The following YTHDF1 variants were observed in gnomAD, a reference collection of about 807,000 sequenced individuals.
YTHDF1 encodes the protein YTH domain-containing family protein 1.
Under a neutral mutation model 49.1 loss-of-function variants are expected in YTHDF1, and 16 were observed. The observed-to-expected ratio is 0.33, with a 90% CI of 0.22 to 0.49. The LOEUF (loss-of-function observed/expected upper bound fraction) is 0.49, where lower values mean the gene tolerates loss of function less well. Ranked by LOEUF, YTHDF1 falls within the 20% of genes least tolerant of loss-of-function variation. The pLI is 0.99. For missense variants in YTHDF1, 621 were observed against 744.3 expected (o/e 0.83, Z 1.93); for synonymous variants, 313 against 290.1 (o/e 1.08, Z -0.80).
At chr20:63,200,777 A>T (rs1277954639) in intron 4 of YTHDF1, among the ~76,000 whole-genome samples, 4 of 152,240 alleles carry the variant, frequency 2.6e-5, no homozygotes, top group Admixed American at 2.6e-4. Context: ...GGTATTTAAG[A>T]AGAAAAACTG....
intron 4 of YTHDF1, among the ~76,000 whole-genome samples, chr20:63,198,957 T>G (rs1601230100): frequency 6.6e-6 from 1 of 152,264 alleles, no homozygotes; most frequent in Non-Finnish European, 1.5e-5. Flanking sequence ...GGTCTGACTC[T>G]GCTGCCATAA....
chr20:63,210,372 C>G (rs1240533060), intron 3 of YTHDF1, among the ~76,000 whole-genome samples: 1 of 152,180 alleles, frequency 6.6e-6, no homozygotes, highest in African/African-American at 2.4e-5. Flanking sequence ...AGGCATCATG[C>G]CAAGACAGTG....
chr20:63,215,577 C>T lies in YTHDF1; in HGVS notation c.52G>A (p.Val18Ile). Residue 18 changes from valine to isoleucine, a missense_variant and splice_region_variant, in exon 2 of 5, where the codon GTA becomes ATA. Around this residue, in one of 2 missense-constraint regions of YTHDF1, gnomAD observed 470 missense variants for 495.8 expected, o/e 0.95. Coordinates refer to ENST00000370339, the MANE Select transcript of YTHDF1 (RefSeq NM_017798.4). ...TQRTKGQDNK[V>I]QNGSLHQKDT... ...CCGGCCGTCCCGGGACTCCGCTCAC[C>T]TTTATTATCTTGTCCTTTTGTTCTC... The T allele has an allele frequency of 6.2e-7, 1 of 1,613,330 alleles. No homozygotes were observed. Among genetic ancestry groups the T allele is most frequent in the Non-Finnish European group, 8.5e-7 (1 of 1,179,682 alleles).
intron 3 of YTHDF1, among the ~76,000 whole-genome samples, chr20:63,207,711 G>T (rs987893433): frequency 1.3e-5 from 2 of 151,664 alleles, no homozygotes; most frequent in Non-Finnish European, 2.9e-5. Flanking sequence ...TCGAAGAAAG[G>T]CTAACACATT....
chr20:63,211,870 T>C (rs1456248794), intron 3 of YTHDF1, among the ~76,000 whole-genome samples: 1 of 151,744 alleles, frequency 6.6e-6, no homozygotes. Flanking sequence ...GGCAGGAGGA[T>C]TGCTTAAGCC....
intron 3 of YTHDF1, among the ~76,000 whole-genome samples, chr20:63,211,642 C>A (rs983044708): frequency 6.6e-6 from 1 of 152,104 alleles, no homozygotes; most frequent in South Asian, 2.1e-4. Context: ...CCAAACAACA[C>A]AAAAGCTCCG....
intron 4 of YTHDF1, among the ~76,000 whole-genome samples, chr20:63,199,258 G>A (rs1029009749): frequency 1.3e-5 from 2 of 151,812 alleles, no homozygotes; most frequent in African/African-American, 2.4e-5. Flanking sequence ...AGTGGCTCAC[G>A]CCTGTAATCC....
chr20:63,215,875 C>A lies in YTHDF1; in HGVS notation c.18G>T (p.Val6=). The change falls in exon 1 of 5, where the codon GTG becomes GTT. Residue 6 remains valine, a synonymous_variant. Transcript: ENST00000370339. The part of the protein sequence containing the change: MSATS[V]DTQRTKGQDN... ...AACCCGGCCCCGCTACCTGGGTGTCCACGCTGGTGGCCGACATGCTTCATG... is the reference window on the plus strand; with the variant it reads ...AACCCGGCCCCGCTACCTGGGTGTCAACGCTGGTGGCCGACATGCTTCATG... 6.9e-7 allele frequency: 1 copy of A among 1,451,406 alleles called. No homozygotes were observed. The highest frequency in any genetic ancestry group is 1.4e-5 in the South Asian group (1 of 73,798). 89.9% of individuals were successfully genotyped at this position (1,451,406 alleles called of 1,614,324 possible). A position where few individuals can be genotyped will look rare whatever the true frequency, so the allele number is the denominator to read the frequency against.
intron 4 of YTHDF1, among the ~76,000 whole-genome samples, chr20:63,201,457 T>G (rs1009748765): frequency 2.0e-5 from 3 of 152,218 alleles, no homozygotes; most frequent in Non-Finnish European, 4.4e-5. Flanking sequence ...TATGTCAGCA[T>G]CATCATTTTC....
rs2066598426 is a variant in YTHDF1, at chr20:63,215,660, A to G, written c.28-59T>C. ...ACAACCCGGGGGAAGAGGGAAACAC[A>G]AAGTTATTCACCAGAGAACTGGTCT... is the stretch of plus-strand genomic sequence containing the variant. On this transcript the variant is annotated intron_variant, in intron 1 of 4. Coordinates refer to ENST00000370339, the MANE Select transcript of YTHDF1 (RefSeq NM_017798.4). The G allele has an allele frequency of 3.2e-6, 5 of 1,564,424 alleles. No homozygotes were observed. In the East Asian group the frequency reaches 1.2e-4, roughly 37 times the overall value.
chr20:63,210,988 C>CT (rs1428048296), intron 3 of YTHDF1, among the ~76,000 whole-genome samples: 1 of 152,228 alleles, frequency 6.6e-6, no homozygotes. Flanking sequence ...TGAGGCCTCT[C>CT]TGAGGGAAGG....
rs868729188 is a variant in YTHDF1, at chr20:63,203,623, C to G, written c.317G>C (p.Gly106Ala). The change falls in exon 4 of 5, where the codon GGG (glycine) becomes GCG (alanine). Residue 106 changes from glycine (G) to alanine (A), a missense_variant. Transcript: ENST00000370339. The surrounding 1 kb of genome is among the most constrained non-coding windows in gnomAD (Gnocchi z 4.4). ...GTTGTTCCCCAGGCCCCCAGGCTGC[C>G]CAAAAACAGCATCGTGCATAAAATG... ...DHHFMHDAVF[G>A]QPGGLGNNIY... The G allele has an allele frequency of 6.2e-7, 1 of 1,614,140 alleles. No individual in the cohort carries two copies. The highest frequency in any genetic ancestry group is 1.6e-4 in the Middle Eastern group (1 of 6,062).
rs754154738 is a variant in YTHDF1 at position 63,202,802 on chromosome 20, T to G, written c.1138A>C (p.Lys380Gln). ...CTTTTCAGATTCCACTCAAACTCTT[T>G]CGGGTTGTAGCTGTGAGCAGCCTTC... The part of the protein sequence containing the change: ...KLKAAHSYNP[K>Q]EFEWNLKSGR... Residue 380 changes from lysine (K) to glutamine (Q), a missense_variant, in exon 4 of 5, where the codon AAA becomes CAA. By Grantham distance (53) the Lys-to-Gln change is moderately conservative. Transcript: ENST00000370339. 1 of 1,613,942 alleles carries G rather than the reference T, an allele frequency of 6.2e-7. No homozygotes were observed. Among genetic ancestry groups the G allele is most frequent in the Admixed American group, 1.7e-5 (1 of 60,000 alleles).
At chr20:63,206,623 C>G (rs908665955) in intron 3 of YTHDF1, among the ~76,000 whole-genome samples, 1 of 152,222 alleles carries the variant, frequency 6.6e-6, no homozygotes, top group Non-Finnish European at 1.5e-5. Context: ...CAGCCCTAAA[C>G]CCTCCTGATA....
chr20:63,203,237 C>T lies in YTHDF1; in HGVS notation c.703G>A (p.Ala235Thr), dbSNP rs1201398840. Residue 235 changes from alanine (A) to threonine (T), a missense_variant, in exon 4 of 5, where the codon GCT becomes ACT. Transcript: ENST00000370339. The surrounding 1 kb of genome is among the most constrained non-coding windows in gnomAD (Gnocchi z 4.4). ...TTTGCAGGCTTGCTGGCAATGGCAG[C>T]CCACGAGGTCGGCTTTGAAACTGGC... ...NMPVSKPTSW[A>T]AIASKPAKPQ... The T allele has an allele frequency of 3.7e-6, 6 of 1,613,918 alleles. No individual in the cohort carries two copies. The highest frequency in any genetic ancestry group is 5.1e-6 in the Non-Finnish European group (6 of 1,180,036).
At chr20:63,197,013 A>C (rs921932968) in intron 4 of YTHDF1, among the ~76,000 whole-genome samples, 1 of 152,188 alleles carries the variant, frequency 6.6e-6, no homozygotes, top group Non-Finnish European at 1.5e-5. Flanking sequence ...GGGAAGCCTC[A>C]CTTCCCACAG....
rs930697585 is a variant in YTHDF1, at chr20:63,204,092, T to C, written c.133-285A>G. On this transcript the variant is annotated intron_variant, in intron 3 of 4. Coordinates refer to ENST00000370339, the MANE Select transcript of YTHDF1 (RefSeq NM_017798.4). Reference sequence around the variant, plus strand: ...CTATGCCTCTCTAGAACTGGCAAGGTAGCAGCCCCCTCTACTCTTACCTGC... The same window carrying C: ...CTATGCCTCTCTAGAACTGGCAAGGCAGCAGCCCCCTCTACTCTTACCTGC... 5.3e-5 allele frequency among the ~76,000 whole-genome samples: 8 copies of C among 152,320 alleles called. No individual in the cohort carries two copies. The East Asian group carries it at 1.3e-3, about 26-fold the overall frequency.
chr20:63,196,438 T>C lies in YTHDF1; in HGVS notation c.*270A>G. 3.1e-6 allele frequency: 1 copy of C among 327,530 alleles called. No individual in the cohort carries two copies. The highest frequency in any genetic ancestry group is 4.8e-5 in the East Asian group (1 of 20,802). The allele number at this position is 327,530 out of a possible 1,614,324, so 20.3% of individuals were successfully genotyped here. On this transcript the variant is annotated 3_prime_UTR_variant, in exon 5 of 5. Transcript: ENST00000370339. ...AATTTCTGCCAAAATAGATGCTTTG[T>C]TTTTAAGGATACTTACATTTCACAT...
At position 63,203,991 on chromosome 20, in the gene YTHDF1, C is replaced by T. The variant is rs868257915; in HGVS notation, c.133-184G>A. 3.3e-5 allele frequency among the ~76,000 whole-genome samples: 5 copies of T among 152,188 alleles called. No homozygotes were observed. Among genetic ancestry groups the T allele is most frequent in the African/African-American group, 1.2e-4 (5 of 41,438 alleles). ...CAAATCAAGACAGAGAAATTAATAA[C>T]GAACACAAACCAGGGTGCCGTCTCA... is the stretch of plus-strand genomic sequence containing the variant. On this transcript the variant is annotated intron_variant, in intron 3 of 4. Coordinates refer to ENST00000370339, the MANE Select transcript of YTHDF1 (RefSeq NM_017798.4). The surrounding 1 kb of genome is among the most constrained non-coding windows in gnomAD (Gnocchi z 4.4).
Sources: allele counts gnomAD v4.1 joint callset (sites outside exome capture counted in the v4.1 genomes callset), GRCh38; gene constraint gnomAD v4.1.1; regional missense constraint gnomAD v4.1.1; non-coding constraint Gnocchi (gnomAD v3.1); transcripts MANE v1.5; gene names NCBI Gene and HGNC (gene_info 2026-07-23, HGNC 2026-07-21).